TAB2: variants seen among roughly 807,000 people sequenced by gnomAD.
The protein encoded by TAB2 is TGF-beta activated kinase 1 (MAP3K7) binding protein 2, also known as TGF-beta-activated kinase 1 and MAP3K7-binding protein 2.
TAB2 carries 3 observed loss-of-function variants against 65.0 expected under a neutral mutation model. The observed-to-expected ratio is 0.05, with a 90% CI of 0.02 to 0.12. The LOEUF is 0.12. Among genes scored for constraint, TAB2 ranks in the 10% least tolerant of loss-of-function variants. The pLI, the probability that TAB2 is intolerant of heterozygous loss-of-function variation, is 1.00. For synonymous variants in TAB2, 298 were observed against 285.1 expected (o/e 1.05, Z -0.46); for missense variants, 623 against 840.3 (o/e 0.74, Z 3.20).
intron 1 of TAB2, among the ~76,000 whole-genome samples, chr6:149,277,538 C>T (rs1024109531): frequency 2.0e-5 from 3 of 151,868 alleles, no homozygotes; most frequent in African/African-American, 7.3e-5. Context: ...CCAGTGATTA[C>T]CAATTGGGGA....
chr6:149,316,808 C>T (rs887019566), upstream of TAB2, among the ~76,000 whole-genome samples: 1 of 152,082 alleles, frequency 6.6e-6, no homozygotes, highest in Non-Finnish European at 1.5e-5. Flanking sequence ...TTTTTTCCCC[C>T]TCAACTGCTC....
chr6:149,372,183 CA>C (rs200488954), intron 2 of TAB2, among the ~76,000 whole-genome samples: 20 of 147,310 alleles, frequency 1.4e-4, no homozygotes, highest in Middle Eastern at 3.4e-3. Flanking sequence ...AAAATATTTT[CA>C]AAAAAAAAAT....
At chr6:149,305,260 T>C (rs1362931711) in intron 1 of TAB2, among the ~76,000 whole-genome samples, 2 of 152,302 alleles carry the variant, frequency 1.3e-5, no homozygotes, top group East Asian at 1.9e-4. Context: ...GCCTGATATA[T>C]TGATTATTAG....
At chr6:149,253,208 G>T (rs10457845) in intron 1 of TAB2, 3,136 of 152,228 alleles carry the variant, frequency 0.021, 51 homozygotes, top group Middle Eastern at 0.031. Context: ...GGCCCATTGG[G>T]GCCAATGAAA....
At chr6:149,247,402 G>A (rs962605741) in intron 1 of TAB2, 1 of 152,192 alleles carries the variant, frequency 6.6e-6, no homozygotes, top group South Asian at 2.1e-4. Context: ...AGGTATGGAA[G>A]CTGAGATAAG....
chr6:149,315,687 T>G (rs1404362934), upstream of TAB2, among the ~76,000 whole-genome samples: 1 of 152,244 alleles, frequency 6.6e-6, no homozygotes, highest in Non-Finnish European at 1.5e-5. Flanking sequence ...TCTGCAGTCT[T>G]TGTCTTTTAT....
rs9498282 is a variant in TAB2 at position 149,283,892 on chromosome 6, A to G, written c.-121+65116A>G. 4.0e-3 allele frequency among the ~76,000 whole-genome samples: 614 copies of G among 152,290 alleles called. 1 individual carries two copies. The highest frequency in any genetic ancestry group is 0.014 in the Middle Eastern group (4 of 294). On this transcript the variant is annotated intron_variant, in intron 1 of 1. Coordinates refer to the TAB2 transcript ENST00000606202. ...TTAAAGTATAATAAAAATCACTAAA[A>G]TCAATGAGGTGAATAGTTCAAGATT... is the stretch of plus-strand genomic sequence containing the variant.
chr6:149,339,938 T>A (rs150065152), intron 1 of TAB2, among the ~76,000 whole-genome samples: 7 of 152,208 alleles, frequency 4.6e-5, no homozygotes, highest in African/African-American at 7.2e-5. Flanking sequence ...ATATTTACTG[T>A]ATATAAATGT....
At chr6:149,357,708 CTT>C (rs201601439) in intron 1 of TAB2, among the ~76,000 whole-genome samples, 1 of 146,882 alleles carries the variant, frequency 6.8e-6, no homozygotes, top group Admixed American at 6.7e-5. Context: ...CTTTTTTTTT[CTT>C]TTTTTTTGAG....
chr6:149,302,124 C>T (rs1047350243), intron 1 of TAB2, among the ~76,000 whole-genome samples: 2 of 151,952 alleles, frequency 1.3e-5, no homozygotes, highest in South Asian at 2.1e-4. Context: ...AAAATATGTC[C>T]AAGATAGACT....
chr6:149,396,393 A>G (rs73615939), intron 3 of TAB2, among the ~76,000 whole-genome samples: 1,802 of 152,260 alleles, frequency 0.012, 32 homozygotes, highest in African/African-American at 0.042. Context: ...TTATCTGTGC[A>G]TTCTGGGTAA....
chr6:149,322,510 A>G (rs977141625), intron 1 of TAB2, among the ~76,000 whole-genome samples: 1 of 152,136 alleles, frequency 6.6e-6, no homozygotes, highest in Non-Finnish European at 1.5e-5. Flanking sequence ...TTATGGCTGG[A>G]TAGAAAATCG....
At chr6:149,282,505 G>T (rs1295610518) in intron 1 of TAB2, among the ~76,000 whole-genome samples, 2 of 152,062 alleles carry the variant, frequency 1.3e-5, no homozygotes, top group African/African-American at 2.4e-5. Context: ...TTCTTTTGAA[G>T]TACATATGGA....
At chr6:149,362,103 C>A (rs1780870910) in intron 1 of TAB2, among the ~76,000 whole-genome samples, 2 of 152,188 alleles carry the variant, frequency 1.3e-5, no homozygotes, top group Non-Finnish European at 2.9e-5. Flanking sequence ...ACTCTTCTAA[C>A]CTCTGCCTGT....
upstream of TAB2, among the ~76,000 whole-genome samples, chr6:149,313,034 T>C (rs1178988847): frequency 6.6e-6 from 1 of 152,214 alleles, no homozygotes; most frequent in Non-Finnish European, 1.5e-5. Context: ...AGCCTAAAAA[T>C]ATGGCCGTGG....
Position 149,379,600 on chromosome 6 carries a change from T to G in TAB2, c.1603+82T>G, listed in dbSNP as rs960289875. On this transcript the variant is annotated intron_variant, in intron 3 of 6. Transcript: ENST00000637181. ...TTGATTTCACAACAGAAATGGATGT[T>G]AGCATTGTTATTTCATTGTTTAAAT... 30 of 1,325,508 alleles carry G rather than the reference T, an allele frequency of 2.3e-5. No homozygotes were observed. In the African/African-American group the frequency reaches 4.2e-4, roughly 19 times the overall value. The allele number at this position is 1,325,508 out of a possible 1,614,324, so 82.1% of individuals were successfully genotyped here.
chr6:149,220,479 C>T (rs1777119209), intron 1 of TAB2, among the ~76,000 whole-genome samples: 2 of 152,196 alleles, frequency 1.3e-5, no homozygotes, highest in South Asian at 4.1e-4. Flanking sequence ...CTATTCAGAT[C>T]TTCCAAATGT....
chr6:149,287,075 C>A (rs1778689672), intron 1 of TAB2, among the ~76,000 whole-genome samples: 1 of 152,174 alleles, frequency 6.6e-6, no homozygotes, highest in South Asian at 2.1e-4. Context: ...CGAGACGGAG[C>A]CACTGCACTC....
At chr6:149,285,783 A>G (rs1778666059) in intron 1 of TAB2, among the ~76,000 whole-genome samples, 1 of 152,132 alleles carries the variant, frequency 6.6e-6, no homozygotes. Flanking sequence ...ATGGTTTTCA[A>G]ACTCAGGCAT....
Sources: allele counts gnomAD v4.1 joint callset (sites outside exome capture counted in the v4.1 genomes callset), GRCh38; gene constraint gnomAD v4.1.1; transcripts MANE v1.5; gene names NCBI Gene and HGNC (gene_info 2026-07-23, HGNC 2026-07-21).